RCOR1: variants seen among roughly 807,000 people sequenced by gnomAD.
RCOR1 encodes the protein REST corepressor.
Under a neutral mutation model 64.0 loss-of-function variants are expected in RCOR1, and 12 were observed. The observed-to-expected ratio is 0.19, with a 90% CI of 0.12 to 0.30. The LOEUF (loss-of-function observed/expected upper bound fraction) is 0.30. RCOR1 is among the 10% of genes least tolerant of loss of function. The pLI is 1.00. For synonymous variants in RCOR1, 279 were observed against 227.2 expected, an observed-to-expected ratio of 1.23 and a Z score of -2.05; for missense variants, 502 against 621.2, an observed-to-expected ratio of 0.81 and a Z score of 2.04.
chr14:102,670,741 T>TAA (rs1895015958), intron 2 of RCOR1, among the ~76,000 whole-genome samples: 1 of 146,720 alleles, frequency 6.8e-6, no homozygotes, highest in Admixed American at 6.9e-5. Flanking sequence ...GACAAGATTA[T>TAA]TATATATATA....
intron 2 of RCOR1, among the ~76,000 whole-genome samples, chr14:102,661,523 A>G (rs2139940288): frequency 6.6e-6 from 1 of 152,318 alleles, no homozygotes; most frequent in Non-Finnish European, 1.5e-5. Flanking sequence ...GGGAAGAAAT[A>G]GTTTCTCATT....
chr14:102,688,258 G>T (rs771183683), intron 3 of RCOR1, among the ~76,000 whole-genome samples: 18 of 152,158 alleles, frequency 1.2e-4, no homozygotes, highest in Non-Finnish European at 1.9e-4. Context: ...GAGCCACTGC[G>T]CCCGGCCAGC....
intron 2 of RCOR1, among the ~76,000 whole-genome samples, chr14:102,662,999 T>C (rs1894854578): frequency 6.6e-6 from 1 of 152,190 alleles, no homozygotes; most frequent in African/African-American, 2.4e-5. Context: ...GCAAATCTCA[T>C]CTTGTAGCTC....
At chr14:102,654,790 T>G (rs1465781654) in intron 2 of RCOR1, among the ~76,000 whole-genome samples, 1 of 149,778 alleles carries the variant, frequency 6.7e-6, no homozygotes, top group African/African-American at 2.5e-5. Flanking sequence ...GGTTGAGTTT[T>G]TTTTTTTTTT....
chr14:102,668,320 T>C (rs946418250), intron 2 of RCOR1, among the ~76,000 whole-genome samples: 3 of 152,196 alleles, frequency 2.0e-5, no homozygotes, highest in African/African-American at 7.2e-5. Flanking sequence ...TAAATCTTGC[T>C]AAAATTAAGA....
chr14:102,598,257 G>C (rs1485439546), intron 2 of RCOR1, among the ~76,000 whole-genome samples: 1 of 152,056 alleles, frequency 6.6e-6, no homozygotes, highest in Non-Finnish European at 1.5e-5. Context: ...TGCCCGGCCT[G>C]ATTTTTTTGT....
chr14:102,703,099 C>T (rs1357616949), intron 4 of RCOR1, among the ~76,000 whole-genome samples: 1 of 152,144 alleles, frequency 6.6e-6, no homozygotes, highest in Non-Finnish European at 1.5e-5. Context: ...ACTAGACGTG[C>T]TCAAAGGCAG....
At chr14:102,644,934 G>A (rs1039947282) in intron 2 of RCOR1, among the ~76,000 whole-genome samples, 9 of 152,114 alleles carry the variant, frequency 5.9e-5, no homozygotes, top group African/African-American at 2.2e-4. Flanking sequence ...CTAAGAAATG[G>A]CTGATTTTTA....
chr14:102,637,855 T>A (rs1894277870), intron 2 of RCOR1, among the ~76,000 whole-genome samples: 1 of 152,174 alleles, frequency 6.6e-6, no homozygotes, highest in South Asian at 2.1e-4. Flanking sequence ...CTTAAATTGC[T>A]AAGAGGGAGC....
At chr14:102,613,885 CTTTTTTTTTTTT>C (rs71119719) in intron 2 of RCOR1, among the ~76,000 whole-genome samples, 3 of 55,514 alleles carry the variant, frequency 5.4e-5, no homozygotes, top group South Asian at 7.2e-4. Context: ...ATTAACTATT[CTTTTTTTTTTTT>C]TTTTTTTTTT....
intron 4 of RCOR1, among the ~76,000 whole-genome samples, chr14:102,704,051 GT>G (rs2139980567): frequency 6.6e-6 from 1 of 152,360 alleles, no homozygotes; most frequent in South Asian, 2.1e-4. Context: ...AGCACCTCTG[GT>G]GCAGGGAGAA....
intron 2 of RCOR1, among the ~76,000 whole-genome samples, chr14:102,634,989 T>C (rs1392655995): frequency 6.6e-6 from 1 of 151,512 alleles, no homozygotes; most frequent in Admixed American, 6.6e-5. Context: ...ATTACAGGTG[T>C]GAGCCACCAT....
Position 102,666,267 on chromosome 14 carries a change from A to C in RCOR1, c.362-15628A>C, listed in dbSNP as rs1894914761. ...AGAAAGATAAGCAGGCCAGATTATG[A>C]AGGGTCTTGCATGCCATGGGTTTTT... On this transcript the variant is annotated intron_variant, in intron 2 of 11. Coordinates refer to ENST00000262241, the MANE Select transcript of RCOR1 (RefSeq NM_015156.4). Among the ~76,000 whole-genome samples, 3 of 152,316 alleles carry C rather than the reference A, an allele frequency of 2.0e-5. No homozygotes were observed. The East Asian group carries it at 5.8e-4, about 29-fold the overall frequency.
At chr14:102,680,392 CTTAT>C (rs1185725448) in intron 2 of RCOR1, among the ~76,000 whole-genome samples, 1 of 152,110 alleles carries the variant, frequency 6.6e-6, no homozygotes, top group African/African-American at 2.4e-5. Context: ...TACAGCAGGA[CTTAT>C]TTGTCTTTGT....
intron 4 of RCOR1, among the ~76,000 whole-genome samples, chr14:102,705,257 T>C (rs1204252292): frequency 6.6e-6 from 1 of 152,180 alleles, no homozygotes; most frequent in African/African-American, 2.4e-5. Flanking sequence ...GTTTTGTGGC[T>C]GTGAAATGCC....
intron 2 of RCOR1, among the ~76,000 whole-genome samples, chr14:102,603,564 T>C (rs1422687523): frequency 6.6e-6 from 1 of 151,724 alleles, no homozygotes; most frequent in East Asian, 1.9e-4. Context: ...TGTCTGTAAA[T>C]TTTTTTTTCT....
In RCOR1 at chr14:102,692,257, A is replaced by G. The variant is rs1264867576; in HGVS notation, c.446-9021A>G. 2.6e-5 allele frequency among the ~76,000 whole-genome samples: 4 copies of G among 152,230 alleles called. No homozygotes were observed. In the East Asian group the frequency reaches 7.7e-4, roughly 29 times the overall value. ...AAATTCTTCAGCACATGTAAAGCAC[A>G]TTTTGGGATCAGTTCACCAAATTGT... On this transcript the variant is annotated intron_variant, in intron 3 of 11. Coordinates refer to ENST00000262241, the MANE Select transcript of RCOR1 (RefSeq NM_015156.4).
At chr14:102,696,324 G>A (rs1376925003) in intron 3 of RCOR1, among the ~76,000 whole-genome samples, 1 of 152,264 alleles carries the variant, frequency 6.6e-6, no homozygotes, top group South Asian at 2.1e-4. Context: ...CTTGAAGAAT[G>A]AGGATTTCAC....
intron 2 of RCOR1, among the ~76,000 whole-genome samples, chr14:102,597,654 T>TTTTTTATTG (rs1893288422): frequency 1.4e-5 from 1 of 71,506 alleles, no homozygotes; most frequent in Non-Finnish European, 2.9e-5. Flanking sequence ...TTTTTTTTTT[T>TTTTTTATTG]GAAATGGAGT....
Sources: allele counts gnomAD v4.1 joint callset (sites outside exome capture counted in the v4.1 genomes callset), GRCh38; gene constraint gnomAD v4.1.1; transcripts MANE v1.5; gene names NCBI Gene and HGNC (gene_info 2026-07-23, HGNC 2026-07-21).